SLC9A9: variants seen among roughly 807,000 people sequenced by gnomAD.
SLC9A9 encodes the protein solute carrier family 9 member A9, also known as sodium/hydrogen exchanger 9.
SLC9A9 carries 62 observed loss-of-function variants against 77.8 expected under a neutral mutation model. The observed-to-expected ratio is 0.80, with a 90% CI of 0.65 to 0.98. The LOEUF (loss-of-function observed/expected upper bound fraction) is 0.98. Among genes scored for constraint, SLC9A9 ranks in the 50% least tolerant of loss-of-function variants. The probability of loss-of-function intolerance (pLI) is 0.00; values close to 1 mark genes in which losing one functional copy is unlikely to be tolerated. For missense variants in SLC9A9, 775 were observed against 774.9 expected, an observed-to-expected ratio of 1.00 and a Z score of 0.00; for synonymous variants, 320 against 283.5, an observed-to-expected ratio of 1.13 and a Z score of -1.29.
intron 9 of SLC9A9, among the ~76,000 whole-genome samples, chr3:143,523,605 A>C (rs1034791917): frequency 6.6e-6 from 1 of 152,120 alleles, no homozygotes; most frequent in Non-Finnish European, 1.5e-5. Context: ...TGAAGTCCCA[A>C]CGTCATTTTA....
chr3:143,634,235 T>C (rs976442614), intron 6 of SLC9A9, among the ~76,000 whole-genome samples: 1 of 152,172 alleles, frequency 6.6e-6, no homozygotes, highest in African/African-American at 2.4e-5. Context: ...AGTGGGTCCT[T>C]TATGTCTATC....
At chr3:143,589,504 C>T (rs1015056973) in intron 6 of SLC9A9, among the ~76,000 whole-genome samples, 15 of 151,942 alleles carry the variant, frequency 9.9e-5, no homozygotes, top group African/African-American at 3.4e-4. Context: ...TAACTGCCTA[C>T]AATATTAGTA....
intron 6 of SLC9A9, among the ~76,000 whole-genome samples, chr3:143,606,399 A>T (rs1429507153): frequency 1.2e-4 from 8 of 66,810 alleles, no homozygotes; most frequent in Admixed American, 1.8e-4. Context: ...CGAAAGAGTG[A>T]ATCTCTCTCT....
chr3:143,503,625 C>T lies in SLC9A9; in HGVS notation c.1090-8177G>A, dbSNP rs1288744597. On this transcript the variant is annotated intron_variant, in intron 9 of 15. Coordinates refer to ENST00000316549, the MANE Select transcript of SLC9A9 (RefSeq NM_173653.4). ...TGGTTCAGCTCAGGGATGACCTTGC[C>T]CATGCCTTGGCAGTGCCAGGAGATG... 21 of 450,804 alleles carry T rather than the reference C, an allele frequency of 4.7e-5. No homozygotes were observed. The Admixed American group carries it at 4.9e-4, about 10-fold the overall frequency. The allele number at this position is 450,804 out of a possible 1,614,324, so 27.9% of individuals were successfully genotyped here.
At chr3:143,490,366 T>C (rs1170364176) in intron 11 of SLC9A9, among the ~76,000 whole-genome samples, 2 of 152,036 alleles carry the variant, frequency 1.3e-5, no homozygotes, top group Non-Finnish European at 2.9e-5. Flanking sequence ...TTTTATAATA[T>C]GCTATAACAT....
intron 6 of SLC9A9, among the ~76,000 whole-genome samples, chr3:143,650,376 A>G (rs2038777377): frequency 6.6e-6 from 1 of 152,228 alleles, no homozygotes; most frequent in East Asian, 1.9e-4. Flanking sequence ...TACAAAGAGA[A>G]TAGTATGTGT....
At chr3:143,298,506 T>C (rs2030378974) in intron 14 of SLC9A9, among the ~76,000 whole-genome samples, 1 of 152,212 alleles carries the variant, frequency 6.6e-6, no homozygotes. Context: ...TCCCTAGTCT[T>C]CTAAAAACCA....
chr3:143,620,886 C>T (rs925337387), intron 6 of SLC9A9, among the ~76,000 whole-genome samples: 11 of 152,218 alleles, frequency 7.2e-5, no homozygotes, highest in Middle Eastern at 3.4e-3. Flanking sequence ...GGGTGACAGA[C>T]GGCACCTGGA....
rs1230203132 is a variant in SLC9A9, at chr3:143,552,451, C to T, written c.1001-1G>A. 1 of 1,612,440 alleles carries T rather than the reference C, an allele frequency of 6.2e-7. No individual in the cohort carries two copies. The highest frequency in any genetic ancestry group is 2.2e-5 in the East Asian group (1 of 44,766). On this transcript the variant is annotated splice_acceptor_variant, in intron 8 of 15. Coordinates refer to ENST00000316549, the MANE Select transcript of SLC9A9 (RefSeq NM_173653.4). LOFTEE classifies it high-confidence loss of function. Reference sequence around the variant, plus strand: ...CCACAGAAGAGAACAGCAACTATCCCTGAAATTAAAAAAACAGATCAGTCA... The same window carrying T: ...CCACAGAAGAGAACAGCAACTATCCTTGAAATTAAAAAAACAGATCAGTCA...
At chr3:143,641,385 C>T (rs202153253) in intron 6 of SLC9A9, among the ~76,000 whole-genome samples, 109 of 78,772 alleles carry the variant, frequency 1.4e-3, no homozygotes, top group Admixed American at 2.8e-3. Flanking sequence ...TTGTCACAGT[C>T]TTTTTTTTTT....
At chr3:143,700,985 T>A (rs1933782928) in intron 4 of SLC9A9, among the ~76,000 whole-genome samples, 2 of 152,314 alleles carry the variant, frequency 1.3e-5, no homozygotes, top group Admixed American at 6.5e-5. Flanking sequence ...TGGGAGAAAG[T>A]AATGGAAGAG....
In SLC9A9 at chr3:143,382,114, T is replaced by C. The variant is rs763652854; in HGVS notation, c.1470A>G (p.Arg490=). The part of the protein sequence containing the change: ...TTPMLTWLQI[R]VGVDLDENLK... Reference sequence around the variant, plus strand: ...GATTTTCATCCAGGTCCACGCCAACTCTGTTAAACAAAACCAAAAACTGGT... The same window carrying C: ...GATTTTCATCCAGGTCCACGCCAACCCTGTTAAACAAAACCAAAAACTGGT... Residue 490 remains arginine (R), a splice_region_variant and synonymous_variant, in exon 13 of 16, where the codon AGA becomes AGG. Transcript: ENST00000316549. 3 of 1,613,994 alleles carry C rather than the reference T, an allele frequency of 1.9e-6. No individual in the cohort carries two copies. The highest frequency in any genetic ancestry group is 3.3e-5 in the Admixed American group (2 of 59,992).
At chr3:143,283,264 G>A (rs1938278632) in intron 14 of SLC9A9, among the ~76,000 whole-genome samples, 1 of 152,232 alleles carries the variant, frequency 6.6e-6, no homozygotes, top group Non-Finnish European at 1.5e-5. Flanking sequence ...AATGGCACAA[G>A]ACGGTGGCCT....
chr3:143,724,716 G>A (rs1261887130), intron 4 of SLC9A9, among the ~76,000 whole-genome samples: 3 of 152,236 alleles, frequency 2.0e-5, no homozygotes, highest in Non-Finnish European at 4.4e-5. Context: ...CTGATGAGAA[G>A]AGTCTAATGT....
intron 2 of SLC9A9, among the ~76,000 whole-genome samples, chr3:143,820,734 G>A (rs951197805): frequency 1.3e-5 from 2 of 152,082 alleles, no homozygotes; most frequent in Admixed American, 6.6e-5. Context: ...CAGGAGTCAC[G>A]AGCCATGCAT....
chr3:143,669,776 T>C (rs181044267), intron 5 of SLC9A9, among the ~76,000 whole-genome samples: 1 of 152,338 alleles, frequency 6.6e-6, no homozygotes, highest in East Asian at 1.9e-4. Flanking sequence ...CTTAACCTCA[T>C]TAAGCTTCAA....
At chr3:143,456,541 T>A (rs2035095071) in intron 12 of SLC9A9, among the ~76,000 whole-genome samples, 1 of 151,526 alleles carries the variant, frequency 6.6e-6, no homozygotes, top group Non-Finnish European at 1.5e-5. Flanking sequence ...TGGAAGGTTT[T>A]AAACTCTAAA....
intron 12 of SLC9A9, among the ~76,000 whole-genome samples, chr3:143,456,672 C>A (rs1446897063): frequency 6.6e-6 from 1 of 151,342 alleles, no homozygotes; most frequent in African/African-American, 2.4e-5. Context: ...TCAAGTTATT[C>A]TCCTGCCTCA....
At chr3:143,678,262 AT>A (rs1932948654) in intron 5 of SLC9A9, among the ~76,000 whole-genome samples, 1 of 152,108 alleles carries the variant, frequency 6.6e-6, no homozygotes, top group Non-Finnish European at 1.5e-5. Context: ...TTGCCTATCT[AT>A]TGACTGTTTA....
Sources: gnomAD v4.1 joint callset for allele counts (sites outside exome capture counted in the v4.1 genomes callset) on GRCh38, gnomAD v4.1.1 for gene constraint, MANE v1.5 for transcripts, NCBI Gene and HGNC (gene_info 2026-07-23, HGNC 2026-07-21) for gene names.